Variants in TRPM3 observed in about 807,000 individuals in gnomAD.
The protein encoded by TRPM3 is long transient receptor potential channel 3.
In TRPM3, 77 loss-of-function variants were observed where a neutral mutation model predicts 181.2. The observed-to-expected ratio is 0.42, with a 90% CI of 0.35 to 0.51. The LOEUF (loss-of-function observed/expected upper bound fraction) is 0.51. Among genes scored for constraint, TRPM3 ranks in the 20% least tolerant of loss-of-function variants. TRPM3 has a pLI of 0.01. For synonymous variants in TRPM3, 745 were observed against 796.4 expected, an observed-to-expected ratio of 0.94 and a Z score of 1.09; for missense variants, 1,759 against 2,196.7, an observed-to-expected ratio of 0.80 and a Z score of 3.98.
intron 1 of TRPM3, among the ~76,000 whole-genome samples, chr9:71,045,071 C>T (rs1327822782): frequency 1.3e-5 from 2 of 151,402 alleles, no homozygotes; most frequent in Non-Finnish European, 2.9e-5. Flanking sequence ...TTTAATACTC[C>T]TGTAGTTTTA....
intron 3 of TRPM3, among the ~76,000 whole-genome samples, chr9:70,853,535 T>G (rs62545337): frequency 0.029 from 4,390 of 152,316 alleles, 88 homozygotes; most frequent in Middle Eastern, 0.058. Context: ...TACATGGATA[T>G]CCAAAGGAAG....
At chr9:71,212,431 AGTTT>A (rs1453334724) in intron 1 of TRPM3, among the ~76,000 whole-genome samples, 1 of 148,618 alleles carries the variant, frequency 6.7e-6, no homozygotes, top group African/African-American at 2.5e-5. Flanking sequence ...TGTTTCCTTG[AGTTT>A]GTTAATCAGT....
chr9:71,181,475 G>A (rs942337096), intron 1 of TRPM3, among the ~76,000 whole-genome samples: 8 of 150,148 alleles, frequency 5.3e-5, no homozygotes, highest in African/African-American at 2.0e-4. Flanking sequence ...TAAAAATAAA[G>A]CAGCAAATAG....
chr9:70,856,836 T>C (rs17470958), intron 3 of TRPM3, among the ~76,000 whole-genome samples: 41,372 of 152,102 alleles, frequency 0.27, 6,254 homozygotes, highest in Non-Finnish European at 0.33. Context: ...GGTTTAAATA[T>C]AAGTCCTTAA....
intron 22 of TRPM3, among the ~76,000 whole-genome samples, chr9:70,585,953 T>C (rs1354979915): frequency 6.6e-6 from 1 of 152,220 alleles, no homozygotes; most frequent in Non-Finnish European, 1.5e-5. Context: ...CCTCTTACTC[T>C]ACCATCAGCC....
chr9:71,250,631 C>T (rs1393606646), intron 1 of TRPM3, among the ~76,000 whole-genome samples: 1 of 152,074 alleles, frequency 6.6e-6, no homozygotes, highest in Admixed American at 6.6e-5. Flanking sequence ...TCTCAAGGAG[C>T]GCTTTGGATT....
intron 7 of TRPM3, among the ~76,000 whole-genome samples, chr9:70,766,136 G>T (rs1449512725): frequency 1.3e-5 from 2 of 152,062 alleles, no homozygotes; most frequent in Non-Finnish European, 2.9e-5. Context: ...CCATTTAAAT[G>T]CTGTACTTAT....
intron 6 of TRPM3, among the ~76,000 whole-genome samples, chr9:70,793,265 G>T (rs1433898932): frequency 6.6e-6 from 1 of 151,880 alleles, no homozygotes; most frequent in Non-Finnish European, 1.5e-5. Context: ...ATCAGCCTGG[G>T]AAATATAGCA....
chr9:71,177,150 T>C (rs1462511129), intron 1 of TRPM3, among the ~76,000 whole-genome samples: 1 of 152,098 alleles, frequency 6.6e-6, no homozygotes, highest in East Asian at 1.9e-4. Flanking sequence ...GTGTACTCCT[T>C]ATGAGAATCT....
intron 1 of TRPM3, among the ~76,000 whole-genome samples, chr9:70,984,295 C>G (rs2097397476): frequency 6.6e-6 from 1 of 152,162 alleles, no homozygotes; most frequent in South Asian, 2.1e-4. Context: ...TTCTAAAGTT[C>G]TTTCTGCCAA....
intron 1 of TRPM3, among the ~76,000 whole-genome samples, chr9:70,957,757 C>T (rs1051831187): frequency 6.6e-6 from 1 of 152,122 alleles, no homozygotes; most frequent in Non-Finnish European, 1.5e-5. Context: ...CATCTACTAT[C>T]GAACATCAGA....
chr9:71,212,018 A>G (rs1249758915), intron 1 of TRPM3, among the ~76,000 whole-genome samples: 1 of 152,218 alleles, frequency 6.6e-6, no homozygotes, highest in Non-Finnish European at 1.5e-5. Context: ...ATGTTGGGGT[A>G]GGGTGGAGAG....
chr9:71,052,008 T>C (rs1007512663), intron 1 of TRPM3, among the ~76,000 whole-genome samples: 3 of 152,112 alleles, frequency 2.0e-5, no homozygotes, highest in African/African-American at 7.2e-5. Context: ...GGGACCTTTG[T>C]ACATATTATT....
At position 70,625,444 on chromosome 9, in the gene TRPM3, A is replaced by C. The variant is rs1246029727; in HGVS notation, c.1668+38T>G. The C allele has an allele frequency of 6.3e-7, 1 of 1,593,170 alleles. No individual in the cohort carries two copies. Among genetic ancestry groups the C allele is most frequent in the Non-Finnish European group, 8.5e-7 (1 of 1,172,438 alleles). On this transcript the variant is annotated intron_variant, in intron 13 of 25. Coordinates refer to ENST00000677713, the MANE Select transcript of TRPM3 (RefSeq NM_001366145.2). This position sits in a 1 kb window ranked among gnomAD's most constrained non-coding sequence, Gnocchi z 4.8. ...TAAAAAAAAAATAATGAAAAAAGAAACATATGAATGTATTATTATGCTGGT... is the reference window on the plus strand; with the variant it reads ...TAAAAAAAAAATAATGAAAAAAGAACCATATGAATGTATTATTATGCTGGT...
intron 22 of TRPM3, among the ~76,000 whole-genome samples, chr9:70,558,371 G>GC: frequency 6.6e-6 from 1 of 152,256 alleles, no homozygotes; most frequent in Admixed American, 6.5e-5. Flanking sequence ...TTGTCCACAA[G>GC]CCAGTAATAA....
At chr9:71,111,579 A>C (rs7858390) in intron 1 of TRPM3, among the ~76,000 whole-genome samples, 100,901 of 152,042 alleles carry the variant, frequency 0.66, 34,197 homozygotes, top group African/African-American at 0.79. Context: ...AAGACTTATT[A>C]AGCCCCAAAT....
intron 1 of TRPM3, among the ~76,000 whole-genome samples, chr9:71,275,765 G>A (rs559474395): frequency 2.0e-5 from 3 of 152,082 alleles, no homozygotes; most frequent in African/African-American, 7.2e-5. Context: ...ACAAAATAGA[G>A]AGCCCCAAAA....
At chr9:70,661,291 A>C (rs979914468) in intron 9 of TRPM3, among the ~76,000 whole-genome samples, 1 of 152,144 alleles carries the variant, frequency 6.6e-6, no homozygotes, top group Non-Finnish European at 1.5e-5. Flanking sequence ...ACTTACTTTA[A>C]AGTAATAAAA....
At chr9:70,809,490 G>C (rs548748909) in intron 6 of TRPM3, among the ~76,000 whole-genome samples, 11 of 152,158 alleles carry the variant, frequency 7.2e-5, no homozygotes, top group African/African-American at 2.7e-4. Context: ...TCTATGTTTA[G>C]ATACACAAAT....
Sources: gnomAD v4.1 joint callset for allele counts (sites outside exome capture counted in the v4.1 genomes callset) on GRCh38, gnomAD v4.1.1 for gene constraint, Gnocchi (gnomAD v3.1) non-coding constraint, MANE v1.5 for transcripts, NCBI Gene and HGNC (gene_info 2026-07-23, HGNC 2026-07-21) for gene names.